The following THRAP3 variants were observed in gnomAD, a reference collection of about 807,000 sequenced individuals.
The protein encoded by THRAP3 is thyroid hormone receptor associated protein 3, also known as thyroid hormone receptor-associated protein 3.
THRAP3 carries 16 observed loss-of-function variants against 101.0 expected under a neutral mutation model. The ratio of observed to expected loss-of-function variants is 0.16; its 90% confidence interval spans 0.11 to 0.24. The LOEUF (loss-of-function observed/expected upper bound fraction) is 0.24, where lower values mean the gene tolerates loss of function less well. Ranked by LOEUF, THRAP3 falls within the 10% of genes least tolerant of loss-of-function variation. The pLI is 1.00. For missense variants in THRAP3, 989 were observed against 1,202.7 expected, an observed-to-expected ratio of 0.82 and a Z score of 2.63; for synonymous variants, 407 against 422.6, an observed-to-expected ratio of 0.96 and a Z score of 0.45.
chr1:36,282,441 A>T, intron 2 of THRAP3, 92 bp from the exon 3 acceptor site: 1 of 958,072 alleles, frequency 1.0e-6, no homozygotes, highest in Non-Finnish European at 1.5e-6. Context: ...CAAGTTGCCC[A>T]GATTAAAAGA....
intron 3 of THRAP3, among the ~76,000 whole-genome samples, chr1:36,285,021 TGAG>T (rs1311697929): frequency 6.6e-6 from 1 of 152,136 alleles, no homozygotes; most frequent in Non-Finnish European, 1.5e-5. Flanking sequence ...TAAAAAAATC[TGAG>T]TACAGTGGGC....
intron 1 of THRAP3, among the ~76,000 whole-genome samples, chr1:36,255,005 A>G (rs1181880131): frequency 1.3e-5 from 2 of 152,196 alleles, no homozygotes; most frequent in Non-Finnish European, 2.9e-5. Context: ...ATACCATGAA[A>G]CCTACTTGGA....
intron 1 of THRAP3, among the ~76,000 whole-genome samples, chr1:36,233,507 C>T (rs1277512564): frequency 1.3e-5 from 2 of 150,144 alleles, no homozygotes; most frequent in African/African-American, 4.9e-5. Flanking sequence ...GAGTGAGACT[C>T]CATCTCAAAA....
chr1:36,207,929 A>C, the THRAP3 span, among the ~76,000 whole-genome samples: 1 of 152,082 alleles, frequency 6.6e-6, no homozygotes, highest in Non-Finnish European at 1.5e-5. Context: ...ACTAGCTGGG[A>C]CTACAGGCAC....
chr1:36,278,929 A>AAATAAAT (rs1645697359), intron 2 of THRAP3, among the ~76,000 whole-genome samples: 1 of 152,056 alleles, frequency 6.6e-6, no homozygotes, highest in Admixed American at 6.6e-5. Context: ...GTCTCAAAAA[A>AAATAAAT]AAATAAATAA....
intron 11 of THRAP3, among the ~76,000 whole-genome samples, chr1:36,303,112 A>ATTTT (rs397936228): frequency 2.4e-5 from 3 of 125,146 alleles, no homozygotes; most frequent in Non-Finnish European, 3.3e-5. Context: ...TGCCTGGCTA[A>ATTTT]TTTTTTTTTT....
At chr1:36,283,284 T>A (rs1441597542) in intron 3 of THRAP3, among the ~76,000 whole-genome samples, 1 of 152,244 alleles carries the variant, frequency 6.6e-6, no homozygotes, top group Non-Finnish European at 1.5e-5. Flanking sequence ...CTTTTGAATT[T>A]ATTGCCAGTA....
Position 36,293,897 on chromosome 1 carries a change from C to T in THRAP3, c.2077C>T (p.His693Tyr), listed in dbSNP as rs377012961. Residue 693 changes from histidine (H) to tyrosine (Y), a missense_variant, in exon 8 of 12, where the codon CAT becomes TAT. His to Tyr is a moderately conservative substitution (Grantham distance 83, BLOSUM62 2). Transcript: ENST00000354618. Reference sequence around the variant, plus strand: ...TACATTCAGAAAACATGGTTTGGCTCATGATGAAATGAAAAGTCCCCGGGA... The same window carrying T: ...TACATTCAGAAAACATGGTTTGGCTTATGATGAAATGAAAAGTCCCCGGGA... Reference protein sequence around the residue: ...PSTFRKHGLAHDEMKSPREPG... With the variant: ...PSTFRKHGLAYDEMKSPREPG... 7.7e-5 allele frequency: 124 copies of T among 1,613,580 alleles called. No homozygotes were observed. The highest frequency in any genetic ancestry group is 9.7e-5 in the Non-Finnish European group (115 of 1,179,766).
intron 2 of THRAP3, among the ~76,000 whole-genome samples, chr1:36,261,848 A>G (rs1256797310): frequency 6.6e-6 from 1 of 152,202 alleles, no homozygotes; most frequent in Non-Finnish European, 1.5e-5. Context: ...TTGTGTTTGT[A>G]TTTAAGACAT....
chr1:36,248,887 ATTC>A (rs1322685199), intron 1 of THRAP3, among the ~76,000 whole-genome samples: 1 of 150,364 alleles, frequency 6.7e-6, no homozygotes, highest in Non-Finnish European at 1.5e-5. Flanking sequence ...CACAGTCCCT[ATTC>A]TTTTTCTTTC....
intron 2 of THRAP3, among the ~76,000 whole-genome samples, chr1:36,278,977 T>G (rs1645698658): frequency 6.6e-6 from 1 of 151,700 alleles, no homozygotes. Flanking sequence ...AATAAAATAA[T>G]TAGTTTCAAT....
chr1:36,286,313 A>C lies in THRAP3; in HGVS notation c.138-55A>C. ...GGATTTCAGAACAGATTTTTCTTGA[A>C]TAAAAATGCTTGTGTCAAAAATTCA... On this transcript the variant is annotated intron_variant, in intron 3 of 11. Transcript: ENST00000354618. This position sits in a 1 kb window ranked among gnomAD's most constrained non-coding sequence, Gnocchi z 5.5. The C allele has an allele frequency of 6.6e-7, 1 of 1,505,902 alleles. No homozygotes were observed. The highest frequency in any genetic ancestry group is 8.9e-7 in the Non-Finnish European group (1 of 1,123,200). The allele number at this position is 1,505,902 out of a possible 1,614,324, so 93.3% of individuals were successfully genotyped here.
intron 9 of THRAP3, among the ~76,000 whole-genome samples, chr1:36,299,308 G>A (rs1053852187): frequency 6.6e-6 from 1 of 151,676 alleles, no homozygotes; most frequent in Non-Finnish European, 1.5e-5. Context: ...GCATGGTGGT[G>A]GGTGCCTGTA....
chr1:36,238,367 C>G (rs1028479851), intron 1 of THRAP3, among the ~76,000 whole-genome samples: 1 of 152,130 alleles, frequency 6.6e-6, no homozygotes, highest in Non-Finnish European at 1.5e-5. Flanking sequence ...CCTATGAGTG[C>G]TAGGCATTTA....
At chr1:36,242,491 C>T (rs113894358) in intron 1 of THRAP3, among the ~76,000 whole-genome samples, 3 of 140,142 alleles carry the variant, frequency 2.1e-5, no homozygotes, top group Non-Finnish European at 3.0e-5. Context: ...CTTGCTCTGT[C>T]GCCCAGGCTG....
intron 6 of THRAP3, 101 bp from the exon 7 acceptor site, chr1:36,292,497 C>G (rs1225487746): frequency 3.8e-6 from 3 of 786,324 alleles, no homozygotes; most frequent in African/African-American, 1.8e-5. Context: ...GTCTCGATCT[C>G]TTGACCTCGT....
At chr1:36,237,671 T>G (rs1366850431) in intron 1 of THRAP3, among the ~76,000 whole-genome samples, 1 of 152,018 alleles carries the variant, frequency 6.6e-6, no homozygotes, top group Non-Finnish European at 1.5e-5. Flanking sequence ...CTTGGGAGTC[T>G]GAGGCCGGAG....
chr1:36,220,968 A>ATATATATAT (rs1371401171), upstream of THRAP3, among the ~76,000 whole-genome samples: 29 of 132,992 alleles, frequency 2.2e-4, no homozygotes, highest in African/African-American at 8.2e-4. Flanking sequence ...AAAAAAAAAA[A>ATATATATAT]AAAAATATAT....
upstream of THRAP3, chr1:36,224,284 G>A (rs1199258524): frequency 2.0e-5 from 3 of 152,332 alleles, no homozygotes; most frequent in Non-Finnish European, 4.4e-5. Flanking sequence ...GACGCAAAGC[G>A]GCGGGCCCAA....
Sources: allele counts gnomAD v4.1 joint callset (sites outside exome capture counted in the v4.1 genomes callset), GRCh38; gene constraint gnomAD v4.1.1; non-coding constraint Gnocchi (gnomAD v3.1); transcripts MANE v1.5; gene names NCBI Gene and HGNC (gene_info 2026-07-23, HGNC 2026-07-21).